Variants in MYBPC1 observed in about 807,000 individuals in gnomAD.
MYBPC1 encodes myosin binding protein C1.
MYBPC1 carries 52 observed loss-of-function variants against 147.1 expected under a neutral mutation model. The ratio of observed to expected loss-of-function variants is 0.35; its 90% CI spans 0.28 to 0.45. The LOEUF is 0.45. MYBPC1 is among the 20% of genes least tolerant of loss of function. The pLI, the probability that MYBPC1 is intolerant of heterozygous loss-of-function variation, is 1.00. For synonymous variants in MYBPC1, 477 were observed against 475.9 expected (o/e 1.00, Z -0.03); for missense variants, 1,228 against 1,440.3 (o/e 0.85, Z 2.39).
intron 28 of MYBPC1, 70 bp downstream of exon 28, chr12:101,678,308 A>G (rs1320432998): frequency 4.4e-6 from 7 of 1,584,140 alleles, no homozygotes; most frequent in Middle Eastern, 1.7e-4. Flanking sequence ...TGTAAGTAAC[A>G]ATGTAAACAA....
intron 16 of MYBPC1, 147 bp from the exon 17 acceptor site, chr12:101,652,531 T>C (rs1160932959): frequency 1.7e-5 from 11 of 640,806 alleles, no homozygotes; most frequent in Non-Finnish European, 2.5e-5. Context: ...TCATCCTCTC[T>C]CTCTCTCTCT....
intron 28 of MYBPC1, among the ~76,000 whole-genome samples, 182 bp downstream of exon 28, chr12:101,678,420 A>G (rs1241988569): frequency 1.3e-5 from 2 of 152,246 alleles, no homozygotes; most frequent in Non-Finnish European, 2.9e-5. Context: ...AAAAATGCTT[A>G]CATTTCTTTG....
chr12:101,647,625 T>G (rs1165263907), intron 13 of MYBPC1, among the ~76,000 whole-genome samples: 3 of 152,090 alleles, frequency 2.0e-5, no homozygotes, highest in African/African-American at 7.2e-5. Context: ...CAGTGGCTCA[T>G]GTCTATAATA....
intron 23 of MYBPC1, chr12:101,669,951 A>AAAAAATAT: frequency 2.9e-6 from 1 of 343,372 alleles, no homozygotes. Context: ...AAAAAAAAAA[A>AAAAAATAT]GAAACTATGA....
In MYBPC1 at chr12:101,653,234, A is replaced by T. The variant is rs1894878953; in HGVS notation, c.1753A>T (p.Ser585Cys). The change falls in exon 18 of 32, where the codon AGC becomes TGC. Residue 585 changes from serine to cysteine, a missense_variant. Ser to Cys is a moderately radical substitution (Grantham distance 112). Transcript: ENST00000361466. ...SGEPPPKAMWSRGDKAIMEGS... is the reference protein window; with the variant it reads ...SGEPPPKAMWCRGDKAIMEGS... ...AGAACCACCTCCTAAAGCCATGTGG[A>T]GCCGGGGAGATAAGGTTTGTTTTAT... The T allele has an allele frequency of 6.2e-7, 1 of 1,614,062 alleles. No individual in the cohort carries two copies. The highest frequency in any genetic ancestry group is 8.5e-7 in the Non-Finnish European group (1 of 1,180,028).
chr12:101,608,905 T>C (rs1412372710), intron 1 of MYBPC1, among the ~76,000 whole-genome samples: 1 of 152,082 alleles, frequency 6.6e-6, no homozygotes, highest in African/African-American at 2.4e-5. Context: ...ATGAAAGACA[T>C]AGTGTTCCTT....
chr12:101,640,066 G>A (rs1410394010), intron 10 of MYBPC1, among the ~76,000 whole-genome samples: 1 of 152,138 alleles, frequency 6.6e-6, no homozygotes, highest in Non-Finnish European at 1.5e-5. Flanking sequence ...CCAGGCTGGA[G>A]TACAATGGCG....
At chr12:101,682,189 C>T (rs1951046788) in intron 29 of MYBPC1, among the ~76,000 whole-genome samples, 1 of 151,696 alleles carries the variant, frequency 6.6e-6, no homozygotes, top group African/African-American at 2.4e-5. Flanking sequence ...TCAATATCCC[C>T]CCAAAAAACA....
intron 24 of MYBPC1, 92 bp from the exon 25 acceptor site, chr12:101,673,335 A>G (rs1376265901): frequency 7.5e-7 from 1 of 1,326,512 alleles, no homozygotes; most frequent in African/African-American, 1.4e-5. Context: ...CCTGCCTAGA[A>G]TGGGTTAAGC....
chr12:101,678,396 C>A (rs73388484), intron 28 of MYBPC1, among the ~76,000 whole-genome samples, 158 bp downstream of exon 28: 1 of 152,212 alleles, frequency 6.6e-6, no homozygotes, highest in Non-Finnish European at 1.5e-5. Context: ...GCACACTATT[C>A]AGATGTAGTA....
rs777320127 is a variant in MYBPC1 at position 101,617,248 on chromosome 12, G to T, written c.103+5G>T. 3 of 1,613,620 alleles carry T rather than the reference G, an allele frequency of 1.9e-6. No homozygotes were observed. The African/African-American group carries it at 4.0e-5, about 22-fold the overall frequency. ...CCGGAACTACACCAGCAAAAGGTGA[G>T]TTGGAGGGAGGGAGAGTGAGGCTGA... On this transcript the variant is annotated splice_donor_5th_base_variant and intron_variant, in intron 3 of 31. Transcript: ENST00000361466.
rs750205433 is a variant in MYBPC1 at position 101,627,757 on chromosome 12, C to T, written c.143-12C>T. ...ACCCCTCTGCATCACCCAAATCACA[C>T]TTTCCTTTCAGGTTTGGGTAGTCGG... On this transcript the variant is annotated splice_polypyrimidine_tract_variant and intron_variant, in intron 4 of 31. Transcript: ENST00000361466. 41 of 1,613,708 alleles carry T rather than the reference C, an allele frequency of 2.5e-5. No homozygotes were observed. Among genetic ancestry groups the T allele is most frequent in the Non-Finnish European group, 3.2e-5 (38 of 1,179,732 alleles).
chr12:101,617,159 G>T (rs1039792479), intron 2 of MYBPC1, 43 bp from the exon 3 acceptor site: 6 of 1,605,538 alleles, frequency 3.7e-6, no homozygotes, highest in Non-Finnish European at 5.1e-6. Flanking sequence ...ACAATAAAAT[G>T]CTTTAAGGCA....
At chr12:101,642,306 C>G in intron 10 of MYBPC1, 113 bp from the exon 11 acceptor site, 2 of 1,148,852 alleles carry the variant, frequency 1.7e-6, no homozygotes, top group Non-Finnish European at 2.6e-6. Flanking sequence ...AGTACTCAGG[C>G]TTTAAACAGA....
In MYBPC1 at chr12:101,636,691, G is replaced by A; in HGVS notation, c.628G>A (p.Ala210Thr). Residue 210 changes from alanine (A) to threonine (T), a missense_variant, in exon 10 of 32, where the codon GCA (alanine) becomes ACA (threonine). By Grantham distance (58) the Ala-to-Thr change is moderately conservative. Coordinates refer to ENST00000361466, the MANE Select transcript of MYBPC1 (RefSeq NM_002465.4). ...CGACAGTGGAGAAGGTCAAGAGGAT[G>A]CAGGAGAACTTGACTTTAGTGGTCT... ...FKRSGEGQEDAGELDFSGLLK... is the reference protein window; with the variant it reads ...FKRSGEGQEDTGELDFSGLLK... 6.2e-7 allele frequency: 1 copy of A among 1,613,712 alleles called. No homozygotes were observed. Among genetic ancestry groups the A allele is most frequent in the South Asian group, 1.1e-5 (1 of 91,072 alleles).
At chr12:101,663,332 A>G (rs1173958956) in intron 21 of MYBPC1, 94 bp from the exon 22 acceptor site, 3 of 1,139,792 alleles carry the variant, frequency 2.6e-6, no homozygotes, top group Non-Finnish European at 4.0e-6. Context: ...TTTTGTGTCT[A>G]TTTTTATTTG....
chr12:101,598,926 A>T (rs1419954780), intron 1 of MYBPC1, among the ~76,000 whole-genome samples: 1 of 152,170 alleles, frequency 6.6e-6, no homozygotes, highest in African/African-American at 2.4e-5. Context: ...TTCTCTTCTA[A>T]AACACTGAGT....
chr12:101,673,025 A>ACATAGATTC (rs1899060728), intron 24 of MYBPC1, among the ~76,000 whole-genome samples: 1 of 152,176 alleles, frequency 6.6e-6, no homozygotes. Context: ...CAGGAGCTAG[A>ACATAGATTC]CATAGATTCC....
Position 101,622,349 on chromosome 12 carries a change from G to A in MYBPC1, c.104-4523G>A, listed in dbSNP as rs141335249. 2.1e-3 allele frequency among the ~76,000 whole-genome samples: 312 copies of A among 152,188 alleles called. 2 individuals carry two copies. Among genetic ancestry groups the A allele is most frequent in the African/African-American group, 7.1e-3 (293 of 41,504 alleles). On this transcript the variant is annotated intron_variant, in intron 3 of 31. Coordinates refer to ENST00000361466, the MANE Select transcript of MYBPC1 (RefSeq NM_002465.4). ...ATCGAACTCAACCAAATCAAGCCAGGCAATTTTTTGAGAATTTAAGGTCAG... is the reference window on the plus strand; with the variant it reads ...ATCGAACTCAACCAAATCAAGCCAGACAATTTTTTGAGAATTTAAGGTCAG...
Sources: gnomAD v4.1 joint callset for allele counts (sites outside exome capture counted in the v4.1 genomes callset) on GRCh38, gnomAD v4.1.1 for gene constraint, MANE v1.5 for transcripts, NCBI Gene and HGNC (gene_info 2026-07-23, HGNC 2026-07-21) for gene names.